The following DLGAP1 variants were observed in gnomAD, a reference collection of about 807,000 sequenced individuals.
DLGAP1 encodes DLG associated protein 1.
A neutral mutation model predicts 90.8 loss-of-function variants in DLGAP1; 11 were observed. That is an observed-to-expected ratio of 0.12 (90% CI 0.08 to 0.20). The LOEUF (loss-of-function observed/expected upper bound fraction) is 0.20. Ranked by LOEUF, DLGAP1 falls within the 10% of genes least tolerant of loss-of-function variation. DLGAP1 has a pLI of 1.00. For synonymous variants in DLGAP1, 558 were observed against 540.7 expected, an observed-to-expected ratio of 1.03 and a Z score of -0.44; for missense variants, 1,050 against 1,333.8, an observed-to-expected ratio of 0.79 and a Z score of 3.31.
chr18:3,772,167 T>C (rs2064601489), intron 5 of DLGAP1, among the ~76,000 whole-genome samples: 1 of 118,714 alleles, frequency 8.4e-6, no homozygotes, highest in Non-Finnish European at 1.7e-5. Flanking sequence ...TTTCTTTCTC[T>C]CCTTCCTTTC....
intron 3 of DLGAP1, among the ~76,000 whole-genome samples, chr18:3,993,363 A>C (rs901085128): frequency 7.2e-5 from 11 of 152,162 alleles, no homozygotes; most frequent in Non-Finnish European, 1.3e-4. Flanking sequence ...ATTCTCATTG[A>C]TTTTAATCAA....
At chr18:3,991,454 T>C (rs1226859448) in intron 3 of DLGAP1, among the ~76,000 whole-genome samples, 1 of 152,200 alleles carries the variant, frequency 6.6e-6, no homozygotes, top group Non-Finnish European at 1.5e-5. Flanking sequence ...ATTTCAGATA[T>C]TGGCCAGTGG....
chr18:3,545,896 A>G (rs2144699679), intron 9 of DLGAP1, among the ~76,000 whole-genome samples: 1 of 152,234 alleles, frequency 6.6e-6, no homozygotes, highest in East Asian at 1.9e-4. Flanking sequence ...AAAGAGATCA[A>G]TTCATCAAAA....
intron 3 of DLGAP1, among the ~76,000 whole-genome samples, chr18:3,943,022 G>T (rs573825230): frequency 2.6e-5 from 4 of 151,914 alleles, no homozygotes; most frequent in Non-Finnish European, 5.9e-5. Flanking sequence ...AAAATAAATA[G>T]GTAGTTTCAT....
chr18:4,419,815 C>T (rs2082987940), intron 1 of DLGAP1, among the ~76,000 whole-genome samples: 1 of 151,690 alleles, frequency 6.6e-6, no homozygotes, highest in Non-Finnish European at 1.5e-5. Flanking sequence ...CATAAAAATG[C>T]TAAATTTTTA....
chr18:4,332,033 A>G (rs1183355871), intron 1 of DLGAP1, among the ~76,000 whole-genome samples: 1 of 151,934 alleles, frequency 6.6e-6, no homozygotes, highest in East Asian at 1.9e-4. Context: ...AATATGCACT[A>G]AAAGAAGTCA....
intron 1 of DLGAP1, among the ~76,000 whole-genome samples, chr18:4,385,923 T>C (rs1004444659): frequency 6.6e-5 from 10 of 152,148 alleles, no homozygotes; most frequent in African/African-American, 2.4e-4. Flanking sequence ...TGTAGGTATT[T>C]AGAGGAAAGC....
In DLGAP1 at chr18:3,695,163, C is replaced by T. The variant is rs145383488; in HGVS notation, c.1591+33972G>A. ...GTTTCACCGTGTTAGCCAGGATGGTCTCTATCCCCTGACCTCATGGTCCAC... is the reference window on the plus strand; with the variant it reads ...GTTTCACCGTGTTAGCCAGGATGGTTTCTATCCCCTGACCTCATGGTCCAC... On this transcript the variant is annotated intron_variant, in intron 7 of 12. Transcript: ENST00000315677. Among the ~76,000 whole-genome samples the T allele has an allele frequency of 7.6e-4, 115 of 152,072 alleles. No homozygotes were observed. The Middle Eastern group carries it at 0.014, about 18-fold the overall frequency.
chr18:3,689,603 C>T (rs1355797445), intron 7 of DLGAP1, among the ~76,000 whole-genome samples: 2 of 152,110 alleles, frequency 1.3e-5, no homozygotes, highest in Non-Finnish European at 2.9e-5. Context: ...CTACCCACCT[C>T]AGCAAATCAG....
chr18:3,689,376 T>C (rs957369814), intron 7 of DLGAP1, among the ~76,000 whole-genome samples: 3 of 152,204 alleles, frequency 2.0e-5, no homozygotes, highest in Non-Finnish European at 2.9e-5. Context: ...GTTTCAGGAA[T>C]GTAATTTTAG....
chr18:3,905,388 A>AAAAAG (rs1568291964), intron 3 of DLGAP1, among the ~76,000 whole-genome samples: 8 of 149,654 alleles, frequency 5.3e-5, no homozygotes, highest in South Asian at 2.1e-4. Flanking sequence ...AAAAAAAAAA[A>AAAAAG]AAAAGAAAAG....
At chr18:4,042,739 C>CAAAAT (rs934749693) in intron 2 of DLGAP1, among the ~76,000 whole-genome samples, 4 of 151,778 alleles carry the variant, frequency 2.6e-5, no homozygotes, top group African/African-American at 7.3e-5. Flanking sequence ...GACTTTGTCT[C>CAAAAT]AAAATAAAAT....
intron 3 of DLGAP1, among the ~76,000 whole-genome samples, chr18:3,882,553 C>A (rs1030435927): frequency 6.6e-6 from 1 of 151,410 alleles, no homozygotes; most frequent in Non-Finnish European, 1.5e-5. Context: ...AGTTAATAGC[C>A]GATGGCAAAA....
At chr18:4,177,610 T>C (rs28651893) in intron 1 of DLGAP1, among the ~76,000 whole-genome samples, 3,106 of 152,246 alleles carry the variant, frequency 0.02, 108 homozygotes, top group African/African-American at 0.07. Context: ...CATCCTTACC[T>C]TCCTCCCTCC....
chr18:4,311,865 G>A (rs1359687961), intron 1 of DLGAP1, among the ~76,000 whole-genome samples: 7 of 152,038 alleles, frequency 4.6e-5, no homozygotes, highest in Admixed American at 6.6e-5. Flanking sequence ...ACAGGTGCCC[G>A]CCACCACGCC....
chr18:3,741,456 CACCATT>C (rs2147685361), intron 6 of DLGAP1, among the ~76,000 whole-genome samples: 1 of 152,000 alleles, frequency 6.6e-6, no homozygotes, highest in East Asian at 1.9e-4. Context: ...CCACTACCAT[CACCATT>C]ACCATCACCA....
intron 2 of DLGAP1, among the ~76,000 whole-genome samples, chr18:4,105,729 G>A (rs548553816): frequency 6.6e-6 from 1 of 152,232 alleles, no homozygotes; most frequent in Non-Finnish European, 1.5e-5. Flanking sequence ...GAGAAAAGGA[G>A]GCCTTAAAAG....
intron 7 of DLGAP1, among the ~76,000 whole-genome samples, chr18:3,677,972 T>G (rs2146848755): frequency 6.9e-6 from 1 of 145,856 alleles, no homozygotes; most frequent in African/African-American, 2.5e-5. Context: ...TTTTTTTTTT[T>G]TTTTTTTGAG....
chr18:3,844,449 A>G (rs2068890561), intron 4 of DLGAP1, among the ~76,000 whole-genome samples: 1 of 152,216 alleles, frequency 6.6e-6, no homozygotes, highest in Admixed American at 6.5e-5. Flanking sequence ...TAAACACCAA[A>G]AAGCTATATC....
Sources: gnomAD v4.1 joint callset for allele counts (sites outside exome capture counted in the v4.1 genomes callset) on GRCh38, gnomAD v4.1.1 for gene constraint, MANE v1.5 for transcripts, NCBI Gene and HGNC (gene_info 2026-07-23, HGNC 2026-07-21) for gene names.